RALGPS1: variants seen among roughly 807,000 people sequenced by gnomAD.
RALGPS1 encodes Ral GEF with PH domain and SH3 binding motif 1, also known as ras-specific guanine nucleotide-releasing factor RalGPS1.
A neutral mutation model predicts 78.8 loss-of-function variants in RALGPS1; 19 were observed. The observed-to-expected ratio is 0.24, with a 90% confidence interval of 0.17 to 0.35. The LOEUF (loss-of-function observed/expected upper bound fraction) is 0.35, where lower values mean the gene tolerates loss of function less well. Among genes scored for constraint, RALGPS1 ranks in the 10% least tolerant of loss-of-function variants. The pLI is 1.00. For missense variants in RALGPS1, 454 were observed against 688.3 expected, an observed-to-expected ratio of 0.66 and a Z score of 3.81; for synonymous variants, 228 against 256.3, an observed-to-expected ratio of 0.89 and a Z score of 1.06.
At position 126,990,061 on chromosome 9, in the gene RALGPS1, A is replaced by G. The variant is rs1203473534; in HGVS notation, c.216+12316A>G. On this transcript the variant is annotated intron_variant, in intron 4 of 18. Coordinates refer to ENST00000259351, the MANE Select transcript of RALGPS1 (RefSeq NM_014636.3). ...TGCTCTGAAGAAGCGGGCGTTCCAGAAAGCCGAGGTCAATGTTGGACGTCG... is the reference window on the plus strand; with the variant it reads ...TGCTCTGAAGAAGCGGGCGTTCCAGGAAGCCGAGGTCAATGTTGGACGTCG... 3.3e-6 allele frequency: 5 copies of G among 1,537,310 alleles called. No homozygotes were observed. The African/African-American group carries it at 6.9e-5, about 21-fold the overall frequency.
rs1276463772 is a variant in RALGPS1, at chr9:126,947,897, C to G, written c.-65-14328C>G. On this transcript the variant is annotated intron_variant, in intron 1 of 18. Transcript: ENST00000259351. ...GTAGCTACTGCAGGGATTGTTAAAC[C>G]AGAGTGTTGGTGAATTTATCATAGC... is the stretch of plus-strand genomic sequence containing the variant. 2.0e-5 allele frequency among the ~76,000 whole-genome samples: 3 copies of G among 152,332 alleles called. No homozygotes were observed. The South Asian group carries it at 6.2e-4, about 32-fold the overall frequency.
chr9:127,079,047 C>G (rs1158540313), intron 8 of RALGPS1, among the ~76,000 whole-genome samples: 1 of 152,172 alleles, frequency 6.6e-6, no homozygotes, highest in African/African-American at 2.4e-5. Context: ...AGGTCTGACT[C>G]CAGTGCCCCA....
intron 8 of RALGPS1, among the ~76,000 whole-genome samples, chr9:127,157,801 A>G (rs1368194494): frequency 2.6e-5 from 4 of 152,152 alleles, no homozygotes; most frequent in Admixed American, 2.6e-4. Context: ...ACACTGTGAT[A>G]TGCATCTTTA....
chr9:127,120,554 T>A (rs996305610), intron 8 of RALGPS1, among the ~76,000 whole-genome samples: 1 of 152,246 alleles, frequency 6.6e-6, no homozygotes, highest in African/African-American at 2.4e-5. Flanking sequence ...CCGGGTGCAG[T>A]GGCTCACGCC....
intron 5 of RALGPS1, among the ~76,000 whole-genome samples, chr9:127,038,406 G>A (rs2047033594): frequency 3.3e-5 from 5 of 152,134 alleles, no homozygotes; most frequent in Admixed American, 2.6e-4. Context: ...GGGGCCTTCT[G>A]TTTTTTTCTG....
In RALGPS1 at chr9:126,920,055, T is replaced by G. The variant is rs568313874; in HGVS notation, c.-66+5080T>G. On this transcript the variant is annotated intron_variant, in intron 1 of 18. Transcript: ENST00000259351. ...GTGTGTACCTGGATCAGAGCACACA[T>G]CATGTTATTGCATGTGTGACTTTTT... 2.0e-5 allele frequency among the ~76,000 whole-genome samples: 3 copies of G among 152,306 alleles called. No individual in the cohort carries two copies. In the East Asian group the frequency reaches 5.8e-4, roughly 29 times the overall value.
At chr9:126,943,507 C>T (rs2036969472) in intron 1 of RALGPS1, among the ~76,000 whole-genome samples, 1 of 152,150 alleles carries the variant, frequency 6.6e-6, no homozygotes, top group East Asian at 1.9e-4. Context: ...GGGTGGACTC[C>T]TCTCATTATC....
chr9:127,013,058 C>T lies in RALGPS1; in HGVS notation c.217-21373C>T, dbSNP rs116957697. 2.7e-3 allele frequency among the ~76,000 whole-genome samples: 413 copies of T among 152,290 alleles called. 5 individuals are homozygous for T. The highest frequency in any genetic ancestry group is 0.024 in the East Asian group (126 of 5,186). On this transcript the variant is annotated intron_variant, in intron 4 of 18. Coordinates refer to ENST00000259351, the MANE Select transcript of RALGPS1 (RefSeq NM_014636.3). ...ACACAAAGCATCCTGGTGGAGCTTC[C>T]GTTGTGGCCTGGAGAATTGGTATAA...
At chr9:126,935,833 C>T (rs1167581044) in intron 1 of RALGPS1, among the ~76,000 whole-genome samples, 1 of 152,204 alleles carries the variant, frequency 6.6e-6, no homozygotes, top group Non-Finnish European at 1.5e-5. Flanking sequence ...ACTCAAGGTC[C>T]GTCTCTGGCT....
At chr9:126,977,826 C>A in intron 4 of RALGPS1, 81 bp downstream of exon 4, 4 of 939,474 alleles carry the variant, frequency 4.3e-6, no homozygotes, top group South Asian at 3.2e-5. Context: ...TAGAGTGTCT[C>A]AGTTTCTCTC....
chr9:127,183,873 A>G lies in RALGPS1; in HGVS notation c.910+9091A>G. 6.5e-7 allele frequency: 1 copy of G among 1,548,932 alleles called. No individual in the cohort carries two copies. The highest frequency in any genetic ancestry group is 1.2e-5 in the South Asian group (1 of 84,002). ...CATCTCCTTTGTTCTTGAGTCTCCC[A>G]TCTCAGCAGCCTGTCACATCAAGGT... On this transcript the variant is annotated intron_variant, in intron 11 of 18. Coordinates refer to ENST00000259351, the MANE Select transcript of RALGPS1 (RefSeq NM_014636.3). This position sits in a 1 kb window ranked among gnomAD's most constrained non-coding sequence, Gnocchi z 4.0.
chr9:127,071,042 TA>T (rs1470522993), intron 8 of RALGPS1, among the ~76,000 whole-genome samples: 1 of 150,438 alleles, frequency 6.6e-6, no homozygotes, highest in Non-Finnish European at 1.5e-5. Context: ...TCTCTCTCTA[TA>T]TATATATACA....
At chr9:127,049,002 A>T (rs1396318393) in intron 5 of RALGPS1, among the ~76,000 whole-genome samples, 1 of 152,232 alleles carries the variant, frequency 6.6e-6, no homozygotes, top group Non-Finnish European at 1.5e-5. Flanking sequence ...TTCAATAACG[A>T]GAATACATTT....
intron 8 of RALGPS1, among the ~76,000 whole-genome samples, chr9:127,114,858 A>G (rs2055231704): frequency 6.6e-6 from 1 of 152,254 alleles, no homozygotes; most frequent in African/African-American, 2.4e-5. Flanking sequence ...CTGAGCATGA[A>G]TCAAGTTTGT....
intron 4 of RALGPS1, among the ~76,000 whole-genome samples, chr9:126,988,181 G>A (rs563180762): frequency 1.3e-5 from 2 of 152,118 alleles, no homozygotes; most frequent in Non-Finnish European, 2.9e-5. Flanking sequence ...GAAAGGAAGA[G>A]CCTCAAGCCT....
Position 127,130,258 on chromosome 9 carries a change from G to A in RALGPS1, c.611-35811G>A, listed in dbSNP as rs1046986675. 2.6e-5 allele frequency among the ~76,000 whole-genome samples: 4 copies of A among 152,204 alleles called. 1 individual carries two copies. In the South Asian group the frequency reaches 8.3e-4, roughly 32 times the overall value. ...GTAATATCACCTTCCCAAGATGGCCGGGAGTAAAAAGTGAGACATTGTGAG... is the reference window on the plus strand; with the variant it reads ...GTAATATCACCTTCCCAAGATGGCCAGGAGTAAAAAGTGAGACATTGTGAG... On this transcript the variant is annotated intron_variant, in intron 8 of 18. Transcript: ENST00000259351.
At chr9:127,112,243 C>T (rs2054894386) in intron 8 of RALGPS1, among the ~76,000 whole-genome samples, 1 of 152,228 alleles carries the variant, frequency 6.6e-6, no homozygotes, top group African/African-American at 2.4e-5. Context: ...AGTGGAAACC[C>T]AGCTGAGTTT....
intron 8 of RALGPS1, among the ~76,000 whole-genome samples, chr9:127,110,132 C>A (rs2054649808): frequency 6.6e-6 from 1 of 152,218 alleles, no homozygotes; most frequent in Admixed American, 6.5e-5. Context: ...TGCCTGCACT[C>A]ACCATTTCCA....
rs1244777795 is a variant in RALGPS1 at position 127,211,286 on chromosome 9, G to T, written c.1248-845G>T. ...TGTGGGCAGGTGGAGGAGAGGAGAG[G>T]GGGAGGGTGGAGGCACTGGCCGGTG... On this transcript the variant is annotated intron_variant, in intron 14 of 18. Transcript: ENST00000259351. This position sits in a 1 kb window ranked among gnomAD's most constrained non-coding sequence, Gnocchi z 5.0. Among the ~76,000 whole-genome samples, 4 of 152,180 alleles carry T rather than the reference G, an allele frequency of 2.6e-5. No homozygotes were observed. The highest frequency in any genetic ancestry group is 7.2e-5 in the African/African-American group (3 of 41,434).
Sources: gnomAD v4.1 joint callset for allele counts (sites outside exome capture counted in the v4.1 genomes callset) on GRCh38, gnomAD v4.1.1 for gene constraint, Gnocchi (gnomAD v3.1) non-coding constraint, MANE v1.5 for transcripts, NCBI Gene and HGNC (gene_info 2026-07-23, HGNC 2026-07-21) for gene names.